Variants in ABCA5 observed in about 807,000 individuals in gnomAD.
ABCA5 encodes cholesterol transporter ABCA5.
In ABCA5, 163 loss-of-function variants were observed where a neutral mutation model predicts 206.0. The observed-to-expected ratio is 0.79, with a 90% CI of 0.70 to 0.90. The LOEUF (loss-of-function observed/expected upper bound fraction) is 0.90. Among genes scored for constraint, ABCA5 ranks in the 40% least tolerant of loss-of-function variants. The pLI, the probability that ABCA5 is intolerant of heterozygous loss-of-function variation, is 0.00. For synonymous variants in ABCA5, 609 were observed against 613.8 expected, an observed-to-expected ratio of 0.99 and a Z score of 0.11; for missense variants, 1,859 against 1,912.9, an observed-to-expected ratio of 0.97 and a Z score of 0.53.
At position 69,245,877 on chromosome 17, in the gene ABCA5, G is replaced by C. The variant is rs1380178823; in HGVS notation, c.*1660C>G. The C allele has an allele frequency of 6.6e-6, 1 of 151,866 alleles. No homozygotes were observed. The highest frequency in any genetic ancestry group is 2.4e-5 in the African/African-American group (1 of 41,416). 9.4% of individuals were successfully genotyped at this position (151,866 alleles called of 1,614,324 possible). ...CAGATGACATAACTTTCTTAGGATG[G>C]TCAGGTTCTAAAAAAAACTATGCTT... On this transcript the variant is annotated 3_prime_UTR_variant, in exon 39 of 39. Coordinates refer to ENST00000392676, the MANE Select transcript of ABCA5 (RefSeq NM_172232.4).
At position 69,255,770 on chromosome 17, in the gene ABCA5, T is replaced by C. The variant is rs2075070878; in HGVS notation, c.3939A>G (p.Lys1313=). The C allele has an allele frequency of 6.3e-7, 1 of 1,597,916 alleles. No homozygotes were observed. The highest frequency in any genetic ancestry group is 8.5e-7 in the Non-Finnish European group (1 of 1,174,880). The change falls in exon 30 of 39, where the codon AAA becomes AAG. Residue 1313 remains lysine, a synonymous_variant. Transcript: ENST00000392676. ...KDFLLSRKVK[K]VATKYISFCV... ...AGAAAGAGATGTATTTAGTTGCCACTTTCTTTACTTTTCTTGAAAGAAGAA... is the reference window on the plus strand; with the variant it reads ...AGAAAGAGATGTATTTAGTTGCCACCTTCTTTACTTTTCTTGAAAGAAGAA...
At chr17:69,315,781 T>C (rs1288093001) in intron 1 of ABCA5, among the ~76,000 whole-genome samples, 2 of 60,864 alleles carry the variant, frequency 3.3e-5, no homozygotes, top group Admixed American at 1.9e-4. Flanking sequence ...AGGATCCGCC[T>C]CAAAAAAAAA....
At chr17:69,268,409 G>A (rs1366546776) in intron 22 of ABCA5, among the ~76,000 whole-genome samples, 2 of 152,036 alleles carry the variant, frequency 1.3e-5, no homozygotes, top group Non-Finnish European at 2.9e-5. Flanking sequence ...CACCATAGTG[G>A]TCCTATGAAA....
chr17:69,327,053 T>C lies in ABCA5; in HGVS notation c.-17A>G. ...CGCCGCCCGCGACGCCCGCCTCACC[T>C]CAGGGCCCGAGCCGCAGAGCTGTCA... On this transcript the variant is annotated splice_region_variant and 5_prime_UTR_variant, in exon 1 of 39. Transcript: ENST00000392676. The C allele has an allele frequency of 6.4e-6, 1 of 156,390 alleles. No homozygotes were observed. The highest frequency in any genetic ancestry group is 1.4e-5 in the Non-Finnish European group (1 of 71,334). 9.7% of individuals were successfully genotyped at this position (156,390 alleles called of 1,614,324 possible).
intron 24 of ABCA5, among the ~76,000 whole-genome samples, chr17:69,262,029 T>C (rs2075154109): frequency 6.6e-6 from 1 of 151,764 alleles, no homozygotes; most frequent in South Asian, 2.1e-4. Flanking sequence ...TATTATTTTA[T>C]ATGGCAGAAA....
At chr17:69,260,459 T>C (rs1337099858) in intron 26 of ABCA5, 47 bp from the exon 27 acceptor site, 4 of 1,237,894 alleles carry the variant, frequency 3.2e-6, no homozygotes, top group Non-Finnish European at 4.6e-6. Context: ...TATGTAGAAA[T>C]ATTTGGATTA....
At chr17:69,261,810 A>G (rs2075151128) in intron 24 of ABCA5, 62 bp from the exon 25 acceptor site, 1 of 557,604 alleles carries the variant, frequency 1.8e-6, no homozygotes, top group Non-Finnish European at 3.0e-6. Flanking sequence ...ATGACATGAA[A>G]TACTAGCCAT....
intron 23 of ABCA5, among the ~76,000 whole-genome samples, chr17:69,265,395 TG>T (rs1246616759): frequency 3.3e-5 from 5 of 152,144 alleles, no homozygotes. Context: ...TGAAAGCTTT[TG>T]AAATGTTCAA....
chr17:69,316,159 A>G (rs1482835433), intron 1 of ABCA5, among the ~76,000 whole-genome samples: 1 of 152,222 alleles, frequency 6.6e-6, no homozygotes, highest in Non-Finnish European at 1.5e-5. Flanking sequence ...TGAACAACAG[A>G]GAGAAAAAAG....
chr17:69,288,418 C>A (rs1370003989), intron 14 of ABCA5, among the ~76,000 whole-genome samples: 1 of 152,118 alleles, frequency 6.6e-6, no homozygotes, highest in Non-Finnish European at 1.5e-5. Context: ...AACTGAATCA[C>A]TCCTTTGATT....
At chr17:69,266,166 C>T (rs1279866382) in intron 23 of ABCA5, among the ~76,000 whole-genome samples, 1 of 151,934 alleles carries the variant, frequency 6.6e-6, no homozygotes, top group Non-Finnish European at 1.5e-5. Flanking sequence ...AAAGCCAATC[C>T]CAAAAGAAAA....
chr17:69,259,493 T>C (rs1045630952), intron 28 of ABCA5, among the ~76,000 whole-genome samples: 12 of 151,952 alleles, frequency 7.9e-5, no homozygotes, highest in Admixed American at 4.6e-4. Context: ...TTATATAAAG[T>C]GTTCAGAACA....
intron 18 of ABCA5, among the ~76,000 whole-genome samples, chr17:69,282,259 G>T (rs2075402092): frequency 6.6e-6 from 1 of 152,010 alleles, no homozygotes; most frequent in South Asian, 2.1e-4. Context: ...TCATGAAAAA[G>T]TAGAGTAATA....
At chr17:69,311,933 C>A (rs1041215683) in intron 3 of ABCA5, among the ~76,000 whole-genome samples, 8 of 151,990 alleles carry the variant, frequency 5.3e-5, no homozygotes, top group Non-Finnish European at 8.8e-5. Context: ...TGATACACTA[C>A]CATATAACAA....
chr17:69,250,116 G>A, intron 36 of ABCA5, 132 bp from the exon 37 acceptor site: 2 of 617,228 alleles, frequency 3.2e-6, no homozygotes, highest in Non-Finnish European at 2.5e-6. Context: ...GATGAAAATT[G>A]TTTAAAATAA....
chr17:69,259,843 T>C (rs780592205), intron 27 of ABCA5, 46 bp from the exon 28 acceptor site: 2 of 1,247,348 alleles, frequency 1.6e-6, no homozygotes, highest in Non-Finnish European at 2.2e-6. Flanking sequence ...GATTTGTTGT[T>C]GTTGTTGTTG....
intron 1 of ABCA5, among the ~76,000 whole-genome samples, chr17:69,319,993 T>C (rs2075849361): frequency 6.6e-6 from 1 of 152,236 alleles, no homozygotes; most frequent in Non-Finnish European, 1.5e-5. Context: ...TTTTTGCGCC[T>C]AAGTTTTATT....
chr17:69,297,953 G>T (rs995145978), intron 9 of ABCA5, among the ~76,000 whole-genome samples: 2 of 152,194 alleles, frequency 1.3e-5, no homozygotes, highest in Admixed American at 1.3e-4. Context: ...GGAAGGCAGA[G>T]GCTGGCATAT....
chr17:69,319,853 A>G (rs1280535564), intron 1 of ABCA5, among the ~76,000 whole-genome samples: 1 of 152,244 alleles, frequency 6.6e-6, no homozygotes, highest in Non-Finnish European at 1.5e-5. Context: ...ACCAAAATTA[A>G]CAAACATAAG....
Sources: allele counts gnomAD v4.1 joint callset (sites outside exome capture counted in the v4.1 genomes callset), GRCh38; gene constraint gnomAD v4.1.1; transcripts MANE v1.5; gene names NCBI Gene and HGNC (gene_info 2026-07-23, HGNC 2026-07-21).